The following ATP11A variants were observed in gnomAD, a reference collection of about 807,000 sequenced individuals.
The protein encoded by ATP11A is phospholipid-transporting ATPase IH.
Under a neutral mutation model 154.4 loss-of-function variants are expected in ATP11A, and 81 were observed. The observed-to-expected ratio is 0.52, with a 90% CI of 0.44 to 0.63. The LOEUF (loss-of-function observed/expected upper bound fraction) is 0.63. Ranked by LOEUF, ATP11A falls within the 30% of genes least tolerant of loss-of-function variation. The pLI is 0.00. For synonymous variants in ATP11A, 623 were observed against 585.9 expected, an observed-to-expected ratio of 1.06 and a Z score of -0.91; for missense variants, 1,316 against 1,474.3, an observed-to-expected ratio of 0.89 and a Z score of 1.76.
At chr13:112,841,943 C>G (rs1030803040) in intron 16 of ATP11A, among the ~76,000 whole-genome samples, 4 of 152,258 alleles carry the variant, frequency 2.6e-5, no homozygotes, top group Non-Finnish European at 5.9e-5. Context: ...AAACCAGGAC[C>G]CCCTTTGGGT....
chr13:112,877,620 G>C (rs55847220), intron 28 of ATP11A, among the ~76,000 whole-genome samples: 2 of 152,172 alleles, frequency 1.3e-5, no homozygotes, highest in Admixed American at 6.5e-5. Context: ...GGGTTTGCAC[G>C]AGTCTCAGCC....
intron 2 of ATP11A, among the ~76,000 whole-genome samples, chr13:112,800,444 CAAG>C (rs2078104403): frequency 6.6e-6 from 1 of 151,742 alleles, no homozygotes; most frequent in East Asian, 1.9e-4. Context: ...AAAACTCAAA[CAAG>C]GAGAAATATA....
In ATP11A at chr13:112,831,451, G is replaced by A; in HGVS notation, c.1298G>A (p.Gly433Asp). ...NMEFKECCIE[G>D]HVYVPHVICN... The stretch of plus-strand genomic sequence containing the variant: ...GAGTTCAAGGAGTGCTGCATCGAAG[G>A]CCATGTCTACGTGCCCCACGTCATC... The change falls in exon 13 of 30, where the codon GGC becomes GAC. Residue 433 changes from glycine to aspartate, a missense_variant. Gly to Asp is a moderately conservative substitution (Grantham distance 94, BLOSUM62 -1). This residue lies in a region of ATP11A where 876 missense variants were observed against 1,006.8 expected (regional missense o/e 0.87). Coordinates refer to ENST00000375645, the MANE Select transcript of ATP11A (RefSeq NM_015205.3). 1 of 1,614,216 alleles carries A rather than the reference G, an allele frequency of 6.2e-7. No individual in the cohort carries two copies. The highest frequency in any genetic ancestry group is 8.5e-7 in the Non-Finnish European group (1 of 1,180,034).
At position 112,690,237 on chromosome 13, in the gene ATP11A, C is replaced by T. The variant is rs1884980891; in HGVS notation, c.-180C>T. On this transcript the variant is annotated 5_prime_UTR_variant, in exon 1 of 30. Transcript: ENST00000375645. This position sits in a 1 kb window ranked among gnomAD's most constrained non-coding sequence, Gnocchi z 5.6. ...CCGACGCGCGGGGCCGCGGACCCAG[C>T]ATTCGCCGGCCGGGCCGGGCATGAG... is the stretch of plus-strand genomic sequence containing the variant. 1 of 197,432 alleles carries T rather than the reference C, an allele frequency of 5.1e-6. No homozygotes were observed. The highest frequency in any genetic ancestry group is 9.1e-6 in the Non-Finnish European group (1 of 109,364). The allele number at this position is 197,432 out of a possible 1,614,324, so 12.2% of individuals were successfully genotyped here.
intron 2 of ATP11A, among the ~76,000 whole-genome samples, chr13:112,796,087 T>C (rs892443436): frequency 6.6e-6 from 1 of 152,252 alleles, no homozygotes; most frequent in Non-Finnish European, 1.5e-5. Context: ...CCTATACTTT[T>C]ATTGGCAATC....
At chr13:112,740,136 CTCTCTCTCTCTCTA>C (rs1250181992) in intron 1 of ATP11A, among the ~76,000 whole-genome samples, 3 of 102,302 alleles carry the variant, frequency 2.9e-5, no homozygotes, top group African/African-American at 4.7e-5. Flanking sequence ...TTCTCTCTCT[CTCTCTCTCTCTCTA>C]TATATATATA....
In ATP11A at chr13:112,753,077, A is replaced by C. The variant is rs1333950611; in HGVS notation, c.40-32058A>C. On this transcript the variant is annotated intron_variant, in intron 1 of 29. Coordinates refer to ENST00000375645, the MANE Select transcript of ATP11A (RefSeq NM_015205.3). The surrounding 1 kb of genome is among the most constrained non-coding windows in gnomAD (Gnocchi z 4.1). Reference sequence around the variant, plus strand: ...AGTGACATCAGGCCCAGGGTAAATGAGTCAGTGTTCCCAATGACATATACG... The same window carrying C: ...AGTGACATCAGGCCCAGGGTAAATGCGTCAGTGTTCCCAATGACATATACG... 1.3e-5 allele frequency among the ~76,000 whole-genome samples: 2 copies of C among 152,216 alleles called. No individual in the cohort carries two copies. Among genetic ancestry groups the C allele is most frequent in the Non-Finnish European group, 2.9e-5 (2 of 68,034 alleles).
chr13:112,790,533 A>T (rs1432960070), intron 2 of ATP11A, among the ~76,000 whole-genome samples: 1 of 150,082 alleles, frequency 6.7e-6, no homozygotes, highest in Non-Finnish European at 1.5e-5. Context: ...GACCTGCTTA[A>T]TTCACACCGG....
intron 11 of ATP11A, 143 bp downstream of exon 11, chr13:112,825,723 C>T (rs2078916680): frequency 8.0e-6 from 8 of 1,002,542 alleles, no homozygotes; most frequent in Non-Finnish European, 1.1e-5. Flanking sequence ...TAGATGCATT[C>T]ACTGAAATTT....
intron 1 of ATP11A, among the ~76,000 whole-genome samples, chr13:112,752,074 A>G (rs1188932211): frequency 2.0e-5 from 3 of 152,144 alleles, no homozygotes; most frequent in Admixed American, 2.0e-4. Context: ...CCTTTCAGGA[A>G]TTGGTCTAGT....
intron 1 of ATP11A, among the ~76,000 whole-genome samples, chr13:112,704,891 C>T (rs532823606): frequency 6.6e-6 from 1 of 152,312 alleles, no homozygotes; most frequent in African/African-American, 2.4e-5. Flanking sequence ...CTCAGATTGC[C>T]CACGAAGACA....
intron 25 of ATP11A, among the ~76,000 whole-genome samples, chr13:112,863,626 C>T (rs971899546): frequency 2.7e-5 from 4 of 149,470 alleles, no homozygotes; most frequent in African/African-American, 7.4e-5. Flanking sequence ...ACCACCTGCA[C>T]AGTAATTCAG....
rs563290068 is a variant in ATP11A, at chr13:112,862,923, G to C, written c.2991+348G>C. 4.9e-3 allele frequency among the ~76,000 whole-genome samples: 603 copies of C among 122,154 alleles called. 2 individuals carry two copies. The highest frequency in any genetic ancestry group is 7.4e-3 in the Non-Finnish European group (443 of 59,982). The allele number at this position is 122,154 out of a possible 152,430, so 80.1% of individuals were successfully genotyped here. A position where few individuals can be genotyped will look rare whatever the true frequency, so the allele number is the denominator to read the frequency against. On this transcript the variant is annotated intron_variant, in intron 25 of 29. Coordinates refer to ENST00000375645, the MANE Select transcript of ATP11A (RefSeq NM_015205.3). ...CCCAGCGGGGTCCATCACCACCTGC[G>C]CAGTAATTCAGTGCAGGCCACGCAG... is the stretch of plus-strand genomic sequence containing the variant.
chr13:112,829,953 GCAAA>G (rs142904347), intron 12 of ATP11A, among the ~76,000 whole-genome samples: 3,445 of 152,270 alleles, frequency 0.023, 59 homozygotes, highest in Non-Finnish European at 0.032. Context: ...TAGTAACAAA[GCAAA>G]CAATCTTATC....
At chr13:112,879,900 G>A (rs1227005801) in intron 29 of ATP11A, among the ~76,000 whole-genome samples, 1 of 152,166 alleles carries the variant, frequency 6.6e-6, no homozygotes. Context: ...GCACATATAT[G>A]CCCGTGCTGG....
chr13:112,793,508 C>G (rs1333595644), intron 2 of ATP11A, among the ~76,000 whole-genome samples: 1 of 152,188 alleles, frequency 6.6e-6, no homozygotes, highest in African/African-American at 2.4e-5. Flanking sequence ...CATCCAGGGG[C>G]ACGTTTCTTA....
At chr13:112,866,028 T>C (rs1594224904) in intron 25 of ATP11A, among the ~76,000 whole-genome samples, 2 of 152,216 alleles carry the variant, frequency 1.3e-5, no homozygotes, top group East Asian at 1.9e-4. Flanking sequence ...CTGTGATGAG[T>C]AGATTTGTAG....
chr13:112,881,558 G>A, intron 29 of ATP11A: 1 of 1,152,792 alleles, frequency 8.7e-7, no homozygotes, highest in Non-Finnish European at 1.1e-6. Flanking sequence ...GGGATGGTGG[G>A]ACAGGGGGAC....
intron 1 of ATP11A, among the ~76,000 whole-genome samples, chr13:112,712,680 A>G (rs1438648091): frequency 6.6e-6 from 1 of 152,064 alleles, no homozygotes; most frequent in Non-Finnish European, 1.5e-5. Context: ...GAGACTGGAA[A>G]CCTGTTTCCA....
Sources: allele counts gnomAD v4.1 joint callset (sites outside exome capture counted in the v4.1 genomes callset), GRCh38; gene constraint gnomAD v4.1.1; regional missense constraint gnomAD v4.1.1; non-coding constraint Gnocchi (gnomAD v3.1); transcripts MANE v1.5; gene names NCBI Gene and HGNC (gene_info 2026-07-23, HGNC 2026-07-21).